Variants in NPAS3 observed in about 807,000 individuals in gnomAD.
NPAS3 encodes the protein neuronal PAS domain protein 3.
Under a neutral mutation model 73.1 loss-of-function variants are expected in NPAS3, and 14 were observed. That is an observed-to-expected ratio of 0.19 (90% confidence interval 0.13 to 0.30). NPAS3 has a LOEUF of 0.30. Ranked by LOEUF, NPAS3 falls within the 10% of genes least tolerant of loss-of-function variation. The pLI, the probability that NPAS3 is intolerant of heterozygous loss-of-function variation, is 1.00. For missense variants in NPAS3, 1,096 were observed against 1,250.0 expected, an observed-to-expected ratio of 0.88 and a Z score of 1.86; for synonymous variants, 620 against 541.5, an observed-to-expected ratio of 1.14 and a Z score of -2.01.
intron 2 of NPAS3, among the ~76,000 whole-genome samples, chr14:33,133,717 A>G (rs1448381511): frequency 1.3e-5 from 2 of 152,216 alleles, no homozygotes; most frequent in African/African-American, 4.8e-5. Context: ...ATAATAGAAA[A>G]GTGGAAGCTT....
At chr14:33,319,770 C>G (rs1306918507) in intron 3 of NPAS3, among the ~76,000 whole-genome samples, 2 of 152,150 alleles carry the variant, frequency 1.3e-5, no homozygotes, top group East Asian at 3.9e-4. Flanking sequence ...CAAATGCCAA[C>G]AGGGCCAAGG....
At chr14:33,216,940 A>G (rs762731784) in intron 3 of NPAS3, among the ~76,000 whole-genome samples, 3 of 152,300 alleles carry the variant, frequency 2.0e-5, no homozygotes, top group Middle Eastern at 3.4e-3. Flanking sequence ...TATCAATTCA[A>G]TAACACACCA....
At chr14:33,093,130 A>G in intron 2 of NPAS3, among the ~76,000 whole-genome samples, 1 of 152,232 alleles carries the variant, frequency 6.6e-6, no homozygotes, top group Non-Finnish European at 1.5e-5. Flanking sequence ...GGATCTAATT[A>G]AACTAAAGAG....
intron 2 of NPAS3, among the ~76,000 whole-genome samples, chr14:33,089,506 G>A (rs7492804): frequency 0.87 from 132,633 of 152,186 alleles, 57,892 homozygotes; most frequent in Middle Eastern, 0.93. Context: ...ATGTGAAAAG[G>A]CCAAATCTAC....
intron 2 of NPAS3, among the ~76,000 whole-genome samples, chr14:33,206,572 A>G (rs2046830772): frequency 1.3e-5 from 2 of 152,174 alleles, no homozygotes; most frequent in South Asian, 4.1e-4. Flanking sequence ...ACTACCTTCC[A>G]TAGTCACTGT....
intron 3 of NPAS3, among the ~76,000 whole-genome samples, chr14:33,257,592 A>G (rs907598204): frequency 3.3e-5 from 5 of 152,222 alleles, no homozygotes; most frequent in African/African-American, 1.2e-4. Flanking sequence ...AATGAAGAAG[A>G]AAGTGTGCCA....
intron 6 of NPAS3, among the ~76,000 whole-genome samples, chr14:33,688,764 C>T (rs778098263): frequency 6.6e-6 from 1 of 152,164 alleles, no homozygotes; most frequent in South Asian, 2.1e-4. Flanking sequence ...CTTTTCCACC[C>T]CATCCTACCT....
intron 3 of NPAS3, among the ~76,000 whole-genome samples, chr14:33,282,722 G>A (rs2041677856): frequency 6.6e-6 from 1 of 152,154 alleles, no homozygotes; most frequent in Non-Finnish European, 1.5e-5. Flanking sequence ...CTAGCCTGGA[G>A]CGGGACTGAA....
chr14:33,321,841 A>T (rs2043460815), intron 3 of NPAS3, among the ~76,000 whole-genome samples: 1 of 152,182 alleles, frequency 6.6e-6, no homozygotes, highest in Admixed American at 6.5e-5. Flanking sequence ...CAGTAACTGG[A>T]AAGTTCTTAA....
intron 3 of NPAS3, among the ~76,000 whole-genome samples, chr14:33,220,792 A>G (rs1016948975): frequency 2.0e-5 from 3 of 152,234 alleles, no homozygotes; most frequent in East Asian, 1.9e-4. Flanking sequence ...ATCTTGCTGC[A>G]TGCCACTGTT....
intron 6 of NPAS3, among the ~76,000 whole-genome samples, chr14:33,719,646 G>T (rs2061050676): frequency 6.6e-6 from 1 of 152,088 alleles, no homozygotes; most frequent in Non-Finnish European, 1.5e-5. Context: ...AAACAAAATG[G>T]AAGTTGAACC....
intron 2 of NPAS3, among the ~76,000 whole-genome samples, chr14:33,098,127 G>T (rs1023513665): frequency 2.0e-5 from 3 of 152,096 alleles, no homozygotes; most frequent in South Asian, 2.1e-4. Flanking sequence ...CTTTAGATAT[G>T]CATTCCATCT....
chr14:33,246,339 A>G (rs535604661), intron 3 of NPAS3, among the ~76,000 whole-genome samples: 46 of 151,974 alleles, frequency 3.0e-4, no homozygotes, highest in African/African-American at 1.0e-3. Flanking sequence ...GGAGATCCAG[A>G]CCATCCTGGC....
chr14:33,041,999 C>G (rs1251070236), intron 1 of NPAS3, among the ~76,000 whole-genome samples: 1 of 152,056 alleles, frequency 6.6e-6, no homozygotes, highest in African/African-American at 2.4e-5. Flanking sequence ...ACAAATATAA[C>G]TTTCTCAAGT....
At chr14:33,370,501 G>A (rs972958416) in intron 4 of NPAS3, among the ~76,000 whole-genome samples, 2 of 152,170 alleles carry the variant, frequency 1.3e-5, no homozygotes, top group East Asian at 3.9e-4. Flanking sequence ...GAGATTATAG[G>A]AGCCATATTA....
chr14:33,189,175 TCTCC>T (rs1372040218), intron 2 of NPAS3, among the ~76,000 whole-genome samples: 2 of 152,216 alleles, frequency 1.3e-5, no homozygotes, highest in African/African-American at 4.8e-5. Context: ...TTACCTGGCT[TCTCC>T]CTTTTGGACC....
chr14:33,263,427 T>C (rs1212529229), intron 3 of NPAS3, among the ~76,000 whole-genome samples: 1 of 152,216 alleles, frequency 6.6e-6, no homozygotes, highest in Non-Finnish European at 1.5e-5. Flanking sequence ...ATCAGATAGT[T>C]GTAGATGTGT....
intron 3 of NPAS3, among the ~76,000 whole-genome samples, chr14:33,302,524 A>G (rs1343995903): frequency 1.3e-5 from 2 of 152,248 alleles, no homozygotes; most frequent in African/African-American, 4.8e-5. Flanking sequence ...AAAGTCGTTG[A>G]TGAAAGAAAC....
intron 3 of NPAS3, among the ~76,000 whole-genome samples, chr14:33,341,110 G>T (rs1260641701): frequency 6.6e-6 from 1 of 152,180 alleles, no homozygotes; most frequent in Non-Finnish European, 1.5e-5. Context: ...GCATGCATGT[G>T]TTACTTCCAA....
Sources: allele counts gnomAD v4.1 joint callset (sites outside exome capture counted in the v4.1 genomes callset), GRCh38; gene constraint gnomAD v4.1.1; transcripts MANE v1.5; gene names NCBI Gene and HGNC (gene_info 2026-07-23, HGNC 2026-07-21).